The following KCNH2 variants were observed in gnomAD, a reference collection of about 807,000 sequenced individuals.
KCNH2 encodes the protein potassium voltage-gated channel subfamily H member 2.
A neutral mutation model predicts 95.9 loss-of-function variants in KCNH2; 35 were observed. The observed-to-expected ratio is 0.37, with a 90% CI of 0.28 to 0.48. KCNH2 has a LOEUF of 0.48. Among genes scored for constraint, KCNH2 ranks in the 20% least tolerant of loss-of-function variants. The probability of loss-of-function intolerance (pLI) is 0.99; values close to 1 mark genes in which losing one functional copy is unlikely to be tolerated. For missense variants in KCNH2, 1,274 were observed against 1,702.9 expected (o/e 0.75, Z 4.43); for synonymous variants, 786 against 754.7 (o/e 1.04, Z -0.68).
chr7:150,949,909 G>GAAGCAAA, intron 9 of KCNH2: 1 of 1,481,536 alleles, frequency 6.7e-7, no homozygotes, highest in Non-Finnish European at 9.1e-7. Context: ...CTACTTTAAG[G>GAAGCAAA]AAGCAAAAAG....
Position 150,957,519 on chromosome 7 carries a change from C to T in KCNH2, c.917-17G>A, listed in dbSNP as rs1315999663. 6 of 1,544,362 alleles carry T rather than the reference C, an allele frequency of 3.9e-6. No homozygotes were observed. The highest frequency in any genetic ancestry group is 1.1e-5 in the South Asian group (1 of 88,142). On this transcript the variant is annotated splice_polypyrimidine_tract_variant and intron_variant, in intron 4 of 14. Coordinates refer to ENST00000262186, the MANE Select transcript of KCNH2 (RefSeq NM_000238.4). ...GCATGGCCCCTAGGTGGAGAGGCAGCGTGGTCAGGCCAGCAGCCCAGGGCC... is the reference window on the plus strand; with the variant it reads ...GCATGGCCCCTAGGTGGAGAGGCAGTGTGGTCAGGCCAGCAGCCCAGGGCC...
At chr7:150,949,923 C>T in intron 9 of KCNH2, 1 of 1,508,586 alleles carries the variant, frequency 6.6e-7, no homozygotes. Flanking sequence ...CAAAAAGTGT[C>T]TGTTTGTGGC....
At chr7:150,948,383 C>T in intron 11 of KCNH2, 61 bp downstream of exon 11, 1 of 1,387,314 alleles carries the variant, frequency 7.2e-7, no homozygotes, top group Non-Finnish European at 9.9e-7. Flanking sequence ...CCCACCCCGC[C>T]TTCCAGCTCC....
At chr7:150,974,652 GT>G in intron 2 of KCNH2, 58 bp downstream of exon 2, 1 of 378,236 alleles carries the variant, frequency 2.6e-6, no homozygotes, top group Non-Finnish European at 4.5e-6. Context: ...GCCCCTCGCC[GT>G]GGTCCCGCCC....
Position 150,946,729 on chromosome 7 carries a change from C to G in KCNH2, c.3330+148G>C. 2 of 734,008 alleles carry G rather than the reference C, an allele frequency of 2.7e-6. No individual in the cohort carries two copies. The highest frequency in any genetic ancestry group is 3.8e-5 in the South Asian group (2 of 52,438). The allele number at this position is 734,008 out of a possible 1,614,324, so 45.5% of individuals were successfully genotyped here. ...CTGCAGCTCCTGAAGCAGCCTTCCTCCAGGAGGACAGGGGTGGGAGGAGGG... is the reference window on the plus strand; with the variant it reads ...CTGCAGCTCCTGAAGCAGCCTTCCTGCAGGAGGACAGGGGTGGGAGGAGGG... On this transcript the variant is annotated intron_variant, in intron 14 of 14. Coordinates refer to ENST00000262186, the MANE Select transcript of KCNH2 (RefSeq NM_000238.4). This position sits in a 1 kb window ranked among gnomAD's most constrained non-coding sequence, Gnocchi z 6.5.
intron 5 of KCNH2, among the ~76,000 whole-genome samples, chr7:150,954,645 C>G (rs1177873649): frequency 6.6e-6 from 1 of 152,220 alleles, no homozygotes; most frequent in Non-Finnish European, 1.5e-5. Context: ...CTGTACCTGT[C>G]CCCCAGCTGG....
In KCNH2 at chr7:150,946,871, G is replaced by A; in HGVS notation, c.3330+6C>T. The A allele has an allele frequency of 6.3e-7, 1 of 1,598,232 alleles. No homozygotes were observed. Among genetic ancestry groups the A allele is most frequent in the East Asian group, 2.2e-5 (1 of 44,474 alleles). On this transcript the variant is annotated splice_donor_region_variant and intron_variant, in intron 14 of 14. Transcript: ENST00000262186. This position sits in a 1 kb window ranked among gnomAD's most constrained non-coding sequence, Gnocchi z 6.5. ...GGTACATCGAGGAAGCAGGGCTGGA[G>A]CTTACCTGAGAAAGCGAGTCCAAGG...
Position 150,951,108 on chromosome 7 carries a change from G to A in KCNH2, c.1958C>T (p.Ala653Val). The change falls in exon 8 of 15, where the codon GCT (alanine) becomes GTT (valine). Residue 653 changes from alanine (A) to valine (V), a missense_variant. Transcript: ENST00000262186. The part of the protein sequence containing the change: ...CVMLIGSLMY[A>V]SIFGNVSAII... Reference sequence around the variant, plus strand: ...GGCCGACACGTTGCCGAAGATGCTAGCATACATGAGGGCTGGGGGCGTGGG... The same window carrying A: ...GGCCGACACGTTGCCGAAGATGCTAACATACATGAGGGCTGGGGGCGTGGG... 6.2e-7 allele frequency: 1 copy of A among 1,609,114 alleles called. No homozygotes were observed. Among genetic ancestry groups the A allele is most frequent in the Non-Finnish European group, 8.5e-7 (1 of 1,177,086 alleles).
Position 150,959,833 on chromosome 7 carries a change from A to G in KCNH2, c.308-97T>C, listed in dbSNP as rs1389549800. On this transcript the variant is annotated intron_variant, in intron 2 of 14. Coordinates refer to ENST00000262186, the MANE Select transcript of KCNH2 (RefSeq NM_000238.4). ...CCCTGGAACCCAAGTGGGCCCGTCC[A>G]CTTCTGCCTCCCCGTATGGCCCTTC... The G allele has an allele frequency of 2.9e-6, 4 of 1,369,222 alleles. No individual in the cohort carries two copies. In the East Asian group the frequency reaches 9.5e-5, roughly 32 times the overall value. 84.8% of individuals were successfully genotyped at this position (1,369,222 alleles called of 1,614,324 possible).
intron 1 of KCNH2, 35 bp from the exon 2 acceptor site, chr7:150,974,976 G>C (rs765964131): frequency 1.4e-5 from 22 of 1,536,190 alleles, no homozygotes; most frequent in Non-Finnish European, 1.8e-5. Context: ...GCGTGAGCGG[G>C]GACCCCAGCC....
intron 2 of KCNH2, among the ~76,000 whole-genome samples, chr7:150,964,061 T>C (rs1285745817): frequency 6.6e-6 from 1 of 152,210 alleles, no homozygotes; most frequent in East Asian, 1.9e-4. Flanking sequence ...TCCCCACCTC[T>C]GGGCACCGCT....
chr7:150,972,649 AT>A (rs929903687), intron 2 of KCNH2, among the ~76,000 whole-genome samples: 79 of 152,158 alleles, frequency 5.2e-4, no homozygotes, highest in Admixed American at 4.3e-3. Context: ...TCACAGCCCC[AT>A]TTTTTGGAGT....
chr7:150,958,271 AC>A lies in KCNH2; in HGVS notation c.703del (p.Val235TrpfsTer125). 6.9e-7 allele frequency: 1 copy of A among 1,452,196 alleles called. No individual in the cohort carries two copies. The highest frequency in any genetic ancestry group is 9.0e-7 in the Non-Finnish European group (1 of 1,105,960). The allele number at this position is 1,452,196 out of a possible 1,614,324, so 90.0% of individuals were successfully genotyped here. On this transcript the variant is annotated frameshift_variant, in exon 4 of 15. Coordinates refer to ENST00000262186, the MANE Select transcript of KCNH2 (RefSeq NM_000238.4). LOFTEE classifies it high-confidence loss of function. ...LGPAEERRAL[V>X]GPGSPPRSAP... The stretch of plus-strand genomic sequence containing the variant: ...GCTGCGGGGCGGAGAGCCGGGACCC[AC>A]CAGCGCACGCCGCTCCTCCGCGGGC...
chr7:150,948,375 C>A, intron 11 of KCNH2, 69 bp downstream of exon 11: 1 of 1,292,842 alleles, frequency 7.7e-7, no homozygotes, highest in Non-Finnish European at 1.1e-6. Flanking sequence ...AGACACGGCC[C>A]ACCCCGCCTT....
intron 2 of KCNH2, among the ~76,000 whole-genome samples, chr7:150,970,494 T>C (rs1343233105): frequency 6.6e-6 from 1 of 152,206 alleles, no homozygotes; most frequent in Non-Finnish European, 1.5e-5. Flanking sequence ...CATGCCTGCC[T>C]CACCCCTGGA....
chr7:150,967,048 G>T (rs1208553800), intron 2 of KCNH2, among the ~76,000 whole-genome samples: 1 of 152,184 alleles, frequency 6.6e-6, no homozygotes, highest in Non-Finnish European at 1.5e-5. Flanking sequence ...GGAGGCCAAG[G>T]CGGGCGGATC....
At chr7:150,949,617 G>C in intron 9 of KCNH2, 5 of 1,083,076 alleles carry the variant, frequency 4.6e-6, no homozygotes, top group African/African-American at 1.7e-5. Context: ...AACTATGGTC[G>C]AAAGAGCTTG....
intron 1 of KCNH2, 151 bp downstream of exon 1, chr7:150,977,687 G>C (rs1584885622): frequency 3.6e-5 from 8 of 224,520 alleles, no homozygotes; most frequent in South Asian, 2.5e-4. Context: ...CCTTGCCCCC[G>C]CCGTCCCCTC....
Position 150,951,083 on chromosome 7 carries a change from G to A in KCNH2, c.1983C>T (p.Ala661=). Residue 661 remains alanine, a synonymous_variant, in exon 8 of 15, where the codon GCC becomes GCT. Transcript: ENST00000262186. The part of the protein sequence containing the change: ...MYASIFGNVS[A]IIQRLYSGTA... ...TGCCCGAGTACAGCCGCTGGATGAT[G>A]GCCGACACGTTGCCGAAGATGCTAG... 6.2e-7 allele frequency: 1 copy of A among 1,612,924 alleles called. No individual in the cohort carries two copies. The highest frequency in any genetic ancestry group is 1.3e-5 in the African/African-American group (1 of 75,062).
Sources: gnomAD v4.1 joint callset for allele counts (sites outside exome capture counted in the v4.1 genomes callset) on GRCh38, gnomAD v4.1.1 for gene constraint, Gnocchi (gnomAD v3.1) non-coding constraint, MANE v1.5 for transcripts, NCBI Gene and HGNC (gene_info 2026-07-23, HGNC 2026-07-21) for gene names.